The following PLCH2 variants were observed in gnomAD, a reference collection of about 807,000 sequenced individuals.
PLCH2 encodes the protein 1-phosphatidylinositol 4,5-bisphosphate phosphodiesterase eta-2.
PLCH2 carries 98 observed loss-of-function variants against 134.7 expected under a neutral mutation model. That is an observed-to-expected ratio of 0.73 (90% CI 0.62 to 0.86). The LOEUF is 0.86. Among genes scored for constraint, PLCH2 ranks in the 40% least tolerant of loss-of-function variants. The pLI is 0.00. For synonymous variants in PLCH2, 974 were observed against 827.5 expected (o/e 1.18, Z -3.04); for missense variants, 1,994 against 1,986.6 (o/e 1.00, Z -0.07).
chr1:2,438,335 T>A (rs1639531020), intron 2 of PLCH2, among the ~76,000 whole-genome samples: 1 of 152,126 alleles, frequency 6.6e-6, no homozygotes, highest in Non-Finnish European at 1.5e-5. Context: ...TGTCCCTGGG[T>A]CCCACCAGTC....
Position 2,498,141 on chromosome 1 carries a change from C to T in PLCH2, c.2225-382C>T. ...TAGACCAGGCTACTCCTGCTGTGGACCAGCTACTTCCACCTCTGCCCTTGG... is the reference window on the plus strand; with the variant it reads ...TAGACCAGGCTACTCCTGCTGTGGATCAGCTACTTCCACCTCTGCCCTTGG... On this transcript the variant is annotated intron_variant, in intron 16 of 21. Transcript: ENST00000378486. This position sits in a 1 kb window ranked among gnomAD's most constrained non-coding sequence, Gnocchi z 5.4. 1 of 274,496 alleles carries T rather than the reference C, an allele frequency of 3.6e-6. No individual in the cohort carries two copies. Among genetic ancestry groups the T allele is most frequent in the Non-Finnish European group, 6.9e-6 (1 of 144,334 alleles). The allele number at this position is 274,496 out of a possible 1,614,324, so 17.0% of individuals were successfully genotyped here.
intron 1 of PLCH2, among the ~76,000 whole-genome samples, chr1:2,468,988 C>A (rs777394374): frequency 7.2e-5 from 11 of 152,146 alleles, no homozygotes; most frequent in Non-Finnish European, 1.5e-4. Context: ...GAGGTGCCCT[C>A]TCTGAATGGA....
chr1:2,479,971 G>A lies in PLCH2; in HGVS notation c.509G>A (p.Arg170Lys). The change falls in exon 3 of 22, where the codon AGG becomes AAG. Residue 170 changes from arginine to lysine, a missense_variant. Arg to Lys is a conservative substitution (Grantham distance 26, BLOSUM62 2). Transcript: ENST00000378486. The stretch of plus-strand genomic sequence containing the variant: ...AGCCTGGCTCGCCGCCAGCGCACCA[G>A]GGACCAATATCCTTGGGCACCTATC... ...EDSLARRQRT[R>K]DQWLKQTFDE... The A allele has an allele frequency of 6.2e-7, 1 of 1,605,128 alleles. No homozygotes were observed. The highest frequency in any genetic ancestry group is 1.1e-5 in the South Asian group (1 of 90,908).
intron 8 of PLCH2, among the ~76,000 whole-genome samples, chr1:2,488,925 C>T (rs1180166020): frequency 9.2e-5 from 14 of 152,204 alleles, no homozygotes; most frequent in Non-Finnish European, 1.5e-5. Flanking sequence ...CCTGGAGTTT[C>T]TCATTGCCTT....
chr1:2,463,500 G>A (rs1052708846), upstream of PLCH2, among the ~76,000 whole-genome samples: 12 of 152,336 alleles, frequency 7.9e-5, no homozygotes, highest in East Asian at 1.9e-4. Flanking sequence ...ATCGGGAAGC[G>A]TTTCCTTGGA....
intron 8 of PLCH2, 113 bp downstream of exon 8, chr1:2,487,831 G>A: frequency 1.9e-6 from 2 of 1,031,318 alleles, no homozygotes; most frequent in Non-Finnish European, 2.8e-6. Flanking sequence ...AGTGACTGTG[G>A]TGACCAGGGG....
At chr1:2,419,858 AG>A in the PLCH2 span, among the ~76,000 whole-genome samples, 1 of 152,072 alleles carries the variant, frequency 6.6e-6, no homozygotes, top group Admixed American at 6.5e-5. Flanking sequence ...CCCTCAAGCC[AG>A]CCCTGGGCTG....
chr1:2,455,802 C>T (rs567739641), intron 2 of PLCH2, among the ~76,000 whole-genome samples: 6 of 152,130 alleles, frequency 3.9e-5, no homozygotes, highest in South Asian at 2.1e-4. Flanking sequence ...GGGCCCTCCA[C>T]CCCCCTGCAG....
intron 2 of PLCH2, among the ~76,000 whole-genome samples, chr1:2,452,283 C>T (rs1283981762): frequency 6.6e-6 from 1 of 152,180 alleles, no homozygotes; most frequent in Non-Finnish European, 1.5e-5. Flanking sequence ...GCCTGGGTCC[C>T]CCTGCCGCCC....
chr1:2,424,801 C>T (rs533076262), upstream of PLCH2, among the ~76,000 whole-genome samples: 2 of 152,274 alleles, frequency 1.3e-5, no homozygotes, highest in East Asian at 1.9e-4. Context: ...TCCTGGCTAA[C>T]ACAGTGAAAC....
chr1:2,502,981 T>C, intron 21 of PLCH2: 1 of 716,804 alleles, frequency 1.4e-6, no homozygotes, highest in Non-Finnish European at 2.6e-6. Flanking sequence ...CACCTGCTGC[T>C]GCTTCTGCGT....
chr1:2,504,856 C>A lies in PLCH2; in HGVS notation c.3894C>A (p.Thr1298=), dbSNP rs1643453432. 1 of 1,600,770 alleles carries A rather than the reference C, an allele frequency of 6.2e-7. No homozygotes were observed. The highest frequency in any genetic ancestry group is 8.5e-7 in the Non-Finnish European group (1 of 1,173,916). ...RVSGPGVRRD[T]LTEQLRWLTV... ...CGGGGCCAGGGGTGAGACGGGACAC[C>A]CTGACAGAGCAGCTGCGCTGGCTCA... Residue 1298 remains threonine, a synonymous_variant, in exon 22 of 22, where the codon ACC becomes ACA. Coordinates refer to ENST00000378486, the MANE Select transcript of PLCH2 (RefSeq NM_014638.4).
chr1:2,459,456 C>T lies in PLCH2; in HGVS notation c.116-19020C>T, dbSNP rs866797581. 3.1e-3 allele frequency among the ~76,000 whole-genome samples: 107 copies of T among 34,534 alleles called. 21 individuals carry two copies. The highest frequency in any genetic ancestry group is 8.4e-3 in the South Asian group (5 of 596). The allele number at this position is 34,534 out of a possible 152,430, so 22.7% of individuals were successfully genotyped here. A position where few individuals can be genotyped will look rare whatever the true frequency, so the allele number is the denominator to read the frequency against. Reference sequence around the variant, plus strand: ...GTCCTCCTTGCCGGTGGTCCTCCTTCCTGGTGGTTCTCCTTCCTGGTGGTC... The same window carrying T: ...GTCCTCCTTGCCGGTGGTCCTCCTTTCTGGTGGTTCTCCTTCCTGGTGGTC... On this transcript the variant is annotated intron_variant, in intron 2 of 3. Coordinates refer to the PLCH2 transcript ENST00000609981.
chr1:2,498,018 C>T lies in PLCH2; in HGVS notation c.2224+409C>T, dbSNP rs543289614. 9 of 241,218 alleles carry T rather than the reference C, an allele frequency of 3.7e-5. No individual in the cohort carries two copies. Among genetic ancestry groups the T allele is most frequent in the African/African-American group, 1.8e-4 (8 of 45,172 alleles). 14.9% of individuals were successfully genotyped at this position (241,218 alleles called of 1,614,324 possible). The stretch of plus-strand genomic sequence containing the variant: ...CGGCTCTCAGACACCTCTGTTTTGT[C>T]TGCTGTGGATGACTTCCAGCTTGGT... On this transcript the variant is annotated intron_variant, in intron 16 of 21. Transcript: ENST00000378486. The surrounding 1 kb of genome is among the most constrained non-coding windows in gnomAD (Gnocchi z 5.4).
In PLCH2 at chr1:2,444,203, G is replaced by A. The variant is rs1237076297; in HGVS notation, c.115+13574G>A. Among the ~76,000 whole-genome samples, 1 of 152,210 alleles carries A rather than the reference G, an allele frequency of 6.6e-6. No homozygotes were observed. Among genetic ancestry groups the A allele is most frequent in the African/African-American group, 2.4e-5 (1 of 41,466 alleles). ...GCCTCAGGTGCGGGGTGAGGGATCT[G>A]GGGGCCGCCCCTCGGCAAACTTTCC... On this transcript the variant is annotated intron_variant, in intron 2 of 3. Coordinates refer to the PLCH2 transcript ENST00000609981. This position sits in a 1 kb window ranked among gnomAD's most constrained non-coding sequence, Gnocchi z 4.6.
chr1:2,480,148 C>T lies in PLCH2; in HGVS notation c.516-35C>T, dbSNP rs367686963. 1.5e-4 allele frequency: 239 copies of T among 1,611,216 alleles called. 1 individual carries two copies. The African/African-American group carries it at 2.7e-3, about 18-fold the overall frequency. ...AGGGTGGAGGTGTCAGGGCTGGGCCCATGGATCGCTGTTGGCCCCTAACTC... is the reference window on the plus strand; with the variant it reads ...AGGGTGGAGGTGTCAGGGCTGGGCCTATGGATCGCTGTTGGCCCCTAACTC... On this transcript the variant is annotated intron_variant, in intron 3 of 21. Coordinates refer to ENST00000378486, the MANE Select transcript of PLCH2 (RefSeq NM_014638.4).
Position 2,505,107 on chromosome 1 carries a change from C to T in PLCH2, c.4145C>T (p.Ala1382Val). 1.3e-6 allele frequency: 2 copies of T among 1,543,986 alleles called. No homozygotes were observed. The highest frequency in any genetic ancestry group is 8.7e-7 in the Non-Finnish European group (1 of 1,153,204). The change falls in exon 22 of 22, where the codon GCC (alanine) becomes GTC (valine). Residue 1382 changes from alanine to valine, a missense_variant. Transcript: ENST00000378486. Reference protein sequence around the residue: ...PEEERGTPEGACSVGHEGSVD... With the variant: ...PEEERGTPEGVCSVGHEGSVD... ...GAGGAGCGGGGCACCCCCGAGGGCG[C>T]CTGCTCCGTGGGCCACGAGGGCAGT...
chr1:2,460,610 G>A (rs1263364960), intron 2 of PLCH2, among the ~76,000 whole-genome samples: 1 of 152,226 alleles, frequency 6.6e-6, no homozygotes, highest in Non-Finnish European at 1.5e-5. Flanking sequence ...TATTTTTAAC[G>A]ATGCAAGCAG....
At chr1:2,445,552 G>A (rs1639902030) in intron 2 of PLCH2, among the ~76,000 whole-genome samples, 1 of 152,036 alleles carries the variant, frequency 6.6e-6, no homozygotes, top group African/African-American at 2.4e-5. Flanking sequence ...AGCTGGCTGT[G>A]GGTGGGGAAC....
Sources: gnomAD v4.1 joint callset for allele counts (sites outside exome capture counted in the v4.1 genomes callset) on GRCh38, gnomAD v4.1.1 for gene constraint, Gnocchi (gnomAD v3.1) non-coding constraint, MANE v1.5 for transcripts, NCBI Gene and HGNC (gene_info 2026-07-23, HGNC 2026-07-21) for gene names.